The following RYR2 variants were observed in gnomAD, a reference collection of about 807,000 sequenced individuals.
RYR2 encodes ryanodine receptor 2.
RYR2 carries 227 observed loss-of-function variants against 601.1 expected under a neutral mutation model. The ratio of observed to expected loss-of-function variants is 0.38; its 90% CI spans 0.34 to 0.42. RYR2 has a LOEUF of 0.42. Among genes scored for constraint, RYR2 ranks in the 10% least tolerant of loss-of-function variants. The pLI is 1.00. For missense variants in RYR2, 4,646 were observed against 6,156.5 expected (o/e 0.75, Z 8.21); for synonymous variants, 2,223 against 2,175.1 (o/e 1.02, Z -0.61).
At chr1:237,664,331 TC>T (rs1211510936) in intron 56 of RYR2, among the ~76,000 whole-genome samples, 1 of 152,142 alleles carries the variant, frequency 6.6e-6, no homozygotes. Flanking sequence ...TTCAAATAGA[TC>T]AGTGATGAAA....
At chr1:237,252,409 T>C (rs1687547740) in intron 1 of RYR2, among the ~76,000 whole-genome samples, 1 of 152,098 alleles carries the variant, frequency 6.6e-6, no homozygotes, top group Non-Finnish European at 1.5e-5. Context: ...GAGAGGTCAT[T>C]TACGACCATC....
chr1:237,729,434 G>A (rs987542314), intron 76 of RYR2, among the ~76,000 whole-genome samples: 16 of 152,254 alleles, frequency 1.1e-4, no homozygotes, highest in East Asian at 3.9e-4. Context: ...TTCCGGCTGC[G>A]TTGGCAGTTG....
At chr1:237,051,155 C>G (rs1290475752) in intron 1 of RYR2, among the ~76,000 whole-genome samples, 7 of 150,270 alleles carry the variant, frequency 4.7e-5, no homozygotes, top group Non-Finnish European at 1.0e-4. Context: ...CTTTGTCTTT[C>G]CCTTTCCCTC....
chr1:237,572,999 A>G (rs552072153), intron 29 of RYR2, among the ~76,000 whole-genome samples: 2 of 152,296 alleles, frequency 1.3e-5, no homozygotes, highest in Non-Finnish European at 2.9e-5. Flanking sequence ...TCTAGCACAG[A>G]AACATACTAT....
intron 38 of RYR2, among the ~76,000 whole-genome samples, chr1:237,623,259 G>A (rs1427167079): frequency 6.6e-6 from 1 of 152,072 alleles, no homozygotes; most frequent in African/African-American, 2.4e-5. Flanking sequence ...TTATTCTGCG[G>A]TACTGGTTGG....
At chr1:237,511,414 G>A (rs1465550188) in intron 23 of RYR2, among the ~76,000 whole-genome samples, 1 of 151,940 alleles carries the variant, frequency 6.6e-6, no homozygotes, top group East Asian at 1.9e-4. Flanking sequence ...GGAGCTGACT[G>A]AGTGAGCCTG....
chr1:237,069,459 A>G (rs781375101), intron 1 of RYR2, among the ~76,000 whole-genome samples: 14 of 152,140 alleles, frequency 9.2e-5, no homozygotes, highest in Non-Finnish European at 1.9e-4. Flanking sequence ...GAGTACAGAG[A>G]GGACTTTTGT....
At chr1:237,756,247 T>C (rs1340765491) in intron 80 of RYR2, 41 bp from the exon 81 acceptor site, 1 of 1,346,024 alleles carries the variant, frequency 7.4e-7, no homozygotes, top group African/African-American at 1.4e-5. Flanking sequence ...CTGTTGTGCT[T>C]ACTGATACCC....
intron 1 of RYR2, among the ~76,000 whole-genome samples, chr1:237,244,990 T>C (rs936999155): frequency 2.6e-5 from 4 of 152,164 alleles, no homozygotes; most frequent in Admixed American, 6.5e-5. Context: ...ATAATTTGGC[T>C]TGAGGCCAAG....
intron 1 of RYR2, among the ~76,000 whole-genome samples, chr1:237,082,540 TATATATATATATATATAA>T (rs1299089250): frequency 8.5e-6 from 1 of 117,056 alleles, no homozygotes. Context: ...TATATATATA[TATATATATATATATATAA>T]AATCGGATAT....
At chr1:237,540,914 T>C (rs1163195687) in intron 25 of RYR2, among the ~76,000 whole-genome samples, 1 of 59,648 alleles carries the variant, frequency 1.7e-5, no homozygotes, top group Non-Finnish European at 4.7e-5. Flanking sequence ...TGTGTGTGTA[T>C]ATATATATAT....
At position 237,469,178 on chromosome 1, in the gene RYR2, G is replaced by A. The variant is rs753758467; in HGVS notation, c.1699G>A (p.Ala567Thr). ...WLISRLERLE[A>T]SSGILEVLHC... ...GATCAGCAGATTGGAAAGACTGGAA[G>A]CTTCTTCAGGTATGTTTTCTAGTTT... The change falls in exon 17 of 105, where the codon GCT becomes ACT. Residue 567 changes from alanine (A) to threonine (T), a missense_variant. This residue lies in a region of RYR2 where 1,807 missense variants were observed against 2,088.1 expected (regional missense o/e 0.87). Coordinates refer to ENST00000366574, the MANE Select transcript of RYR2 (RefSeq NM_001035.3). 1 of 1,582,966 alleles carries A rather than the reference G, an allele frequency of 6.3e-7. No individual in the cohort carries two copies. Among genetic ancestry groups the A allele is most frequent in the Non-Finnish European group, 8.6e-7 (1 of 1,164,124 alleles).
In RYR2 at chr1:237,798,067, C is replaced by G. The variant is rs1398653043; in HGVS notation, c.13987C>G (p.Arg4663Gly). Reference sequence around the variant, plus strand: ...GGATAAATATGGAGAGTTCTACGGCCGAGACAGAATCAGTGAATTACTTGG... The same window carrying G: ...GGATAAATATGGAGAGTTCTACGGCGGAGACAGAATCAGTGAATTACTTGG... ...VMDKYGEFYG[R>G]DRISELLGMD... Residue 4663 changes from arginine (R) to glycine (G), a missense_variant, in exon 97 of 105, where the codon CGA (arginine) becomes GGA (glycine). Coordinates refer to ENST00000366574, the MANE Select transcript of RYR2 (RefSeq NM_001035.3). The G allele has an allele frequency of 2.5e-6, 4 of 1,611,040 alleles. No homozygotes were observed.
chr1:237,535,868 T>G (rs1668563896), intron 25 of RYR2, among the ~76,000 whole-genome samples: 1 of 152,182 alleles, frequency 6.6e-6, no homozygotes, highest in African/African-American at 2.4e-5. Flanking sequence ...AAATAAATAA[T>G]TCATAAGATT....
chr1:237,601,445 G>C (rs529689167), intron 34 of RYR2, among the ~76,000 whole-genome samples: 1 of 152,114 alleles, frequency 6.6e-6, no homozygotes, highest in Non-Finnish European at 1.5e-5. Flanking sequence ...AGGTGAAAGT[G>C]GGGGAGAGGG....
chr1:237,519,755 T>A (rs942807820), intron 24 of RYR2, among the ~76,000 whole-genome samples: 1 of 152,210 alleles, frequency 6.6e-6, no homozygotes, highest in Non-Finnish European at 1.5e-5. Flanking sequence ...TTGCTTTGGC[T>A]ATTTGGACTC....
chr1:237,515,856 C>T (rs1361676749), intron 24 of RYR2, among the ~76,000 whole-genome samples: 5 of 109,188 alleles, frequency 4.6e-5, no homozygotes, highest in Non-Finnish European at 9.9e-5. Flanking sequence ...CCCTCTTCTT[C>T]TCTTCTCTCT....
rs183845989 is a variant in RYR2 at position 237,629,711 on chromosome 1, G to C, written c.6440+1631G>C. Among the ~76,000 whole-genome samples the C allele has an allele frequency of 4.0e-3, 615 of 152,142 alleles. 4 individuals carry two copies. The highest frequency in any genetic ancestry group is 0.014 in the African/African-American group (593 of 41,532). The stretch of plus-strand genomic sequence containing the variant: ...TGGAATACCAAGTTTTTCTTTGACA[G>C]AACTCAAATACAATCCTGAGGGAAG... On this transcript the variant is annotated intron_variant, in intron 41 of 104. Transcript: ENST00000366574.
At chr1:237,761,397 G>A (rs1281461733) in intron 84 of RYR2, among the ~76,000 whole-genome samples, 4 of 152,224 alleles carry the variant, frequency 2.6e-5, no homozygotes, top group East Asian at 1.9e-4. Context: ...TAGCAAAGTC[G>A]GGCTCTCAGA....
Sources: gnomAD v4.1 joint callset for allele counts (sites outside exome capture counted in the v4.1 genomes callset) on GRCh38, gnomAD v4.1.1 for gene constraint, gnomAD v4.1.1 regional missense constraint, MANE v1.5 for transcripts, NCBI Gene and HGNC (gene_info 2026-07-23, HGNC 2026-07-21) for gene names.